TSPAN5: variants seen among roughly 807,000 people sequenced by gnomAD.
The protein encoded by TSPAN5 is tetraspanin 5.
A neutral mutation model predicts 37.1 loss-of-function variants in TSPAN5; 10 were observed. That is an observed-to-expected ratio of 0.27 (90% CI 0.17 to 0.46). The LOEUF is 0.46. TSPAN5 is among the 20% of genes least tolerant of loss of function. TSPAN5 has a pLI of 1.00. For missense variants in TSPAN5, 195 were observed against 326.6 expected (o/e 0.60, Z 3.11); for synonymous variants, 110 against 118.9 (o/e 0.93, Z 0.48).
intron 1 of TSPAN5, among the ~76,000 whole-genome samples, chr4:98,619,515 T>A (rs1251241524): frequency 3.3e-5 from 5 of 152,212 alleles, no homozygotes; most frequent in Non-Finnish European, 7.3e-5. Flanking sequence ...TCAACTTTTA[T>A]TTCAAAGTCT....
Position 98,472,333 on chromosome 4 carries a change from A to ATT in TSPAN5, c.*187_*188dup. On this transcript the variant is annotated 3_prime_UTR_variant, in exon 8 of 8. Transcript: ENST00000305798. ...CGGCGCAACGACTTTCATACTGGTT[A>ATT]TTTTTTTTTTTAATTCTGTCAGTGA... is the stretch of plus-strand genomic sequence containing the variant. The ATT allele has an allele frequency of 2.5e-5, 10 of 406,584 alleles. No homozygotes were observed. Among genetic ancestry groups the ATT allele is most frequent in the South Asian group, 1.4e-4 (3 of 21,202 alleles). 25.2% of individuals were successfully genotyped at this position (406,584 alleles called of 1,614,324 possible). A position where few individuals can be genotyped will look rare whatever the true frequency, so the allele number is the denominator to read the frequency against.
chr4:98,620,948 T>A (rs540105077), intron 1 of TSPAN5, among the ~76,000 whole-genome samples: 1 of 152,300 alleles, frequency 6.6e-6, no homozygotes, highest in Non-Finnish European at 1.5e-5. Flanking sequence ...AATTCACATA[T>A]TGAAGTCATT....
intron 1 of TSPAN5, among the ~76,000 whole-genome samples, chr4:98,585,388 C>G (rs777601640): frequency 6.6e-6 from 1 of 152,060 alleles, no homozygotes; most frequent in Non-Finnish European, 1.5e-5. Flanking sequence ...TGGCTTACTG[C>G]GACCTCTGCC....
At chr4:98,548,886 GGTGTGTGTGT>G (rs142527701) in intron 1 of TSPAN5, among the ~76,000 whole-genome samples, 7 of 57,342 alleles carry the variant, frequency 1.2e-4, no homozygotes, top group African/African-American at 3.2e-4. Flanking sequence ...AGTATTCCAA[GGTGTGTGTGT>G]GTGTGTGTGT....
chr4:98,613,174 T>A (rs763492509), intron 1 of TSPAN5, among the ~76,000 whole-genome samples: 14 of 150,984 alleles, frequency 9.3e-5, no homozygotes, highest in Non-Finnish European at 1.8e-4. Flanking sequence ...GTGATTCAGA[T>A]GCACAATGCC....
intron 1 of TSPAN5, among the ~76,000 whole-genome samples, chr4:98,591,317 A>G (rs1313737816): frequency 7.1e-6 from 1 of 140,658 alleles, no homozygotes; most frequent in Non-Finnish European, 1.5e-5. Context: ...TGAAGTACTT[A>G]GGAATAAATT....
chr4:98,549,844 C>G (rs1323153390), intron 1 of TSPAN5, among the ~76,000 whole-genome samples: 1 of 151,684 alleles, frequency 6.6e-6, no homozygotes, highest in Admixed American at 6.6e-5. Flanking sequence ...TAGGTTTACT[C>G]TCCTGATTTT....
chr4:98,570,396 C>T (rs1755092950), intron 1 of TSPAN5, among the ~76,000 whole-genome samples: 1 of 152,134 alleles, frequency 6.6e-6, no homozygotes, highest in African/African-American at 2.4e-5. Flanking sequence ...GCACTGCCTA[C>T]GTAAAGACCA....
chr4:98,512,168 G>A (rs568632279), intron 1 of TSPAN5, among the ~76,000 whole-genome samples: 3 of 152,026 alleles, frequency 2.0e-5, no homozygotes, highest in East Asian at 1.9e-4. Context: ...AGCTGAGATC[G>A]CGCCACTGCA....
intron 1 of TSPAN5, among the ~76,000 whole-genome samples, chr4:98,619,225 G>A (rs6532754): frequency 0.54 from 81,988 of 152,006 alleles, 23,374 homozygotes; most frequent in African/African-American, 0.72. Flanking sequence ...TCATTCAGGA[G>A]ACATTTGGCT....
At chr4:98,499,195 C>A (rs1753285615) in intron 2 of TSPAN5, among the ~76,000 whole-genome samples, 1 of 152,214 alleles carries the variant, frequency 6.6e-6, no homozygotes, top group African/African-American at 2.4e-5. Context: ...TTCCACCAGG[C>A]CCAGAGAGCA....
intron 1 of TSPAN5, among the ~76,000 whole-genome samples, chr4:98,647,245 A>G (rs972263285): frequency 2.6e-5 from 4 of 152,206 alleles, no homozygotes; most frequent in Admixed American, 6.5e-5. Context: ...TGATACAACT[A>G]TACCTTAAAA....
At chr4:98,529,699 T>C (rs556931312) in intron 1 of TSPAN5, among the ~76,000 whole-genome samples, 102 of 152,220 alleles carry the variant, frequency 6.7e-4, no homozygotes, top group Non-Finnish European at 1.2e-3. Context: ...AGAAGATCTA[T>C]TGGCAATACA....
At chr4:98,537,961 G>T (rs1022128593) in intron 1 of TSPAN5, among the ~76,000 whole-genome samples, 1 of 152,262 alleles carries the variant, frequency 6.6e-6, no homozygotes, top group Non-Finnish European at 1.5e-5. Flanking sequence ...GCCGACAGCA[G>T]GACAAAGAGG....
intron 4 of TSPAN5, among the ~76,000 whole-genome samples, chr4:98,479,645 A>G (rs544883699): frequency 4.6e-5 from 7 of 152,198 alleles, no homozygotes; most frequent in African/African-American, 7.2e-5. Context: ...GCTCTTCTAG[A>G]CCTCTTTAGG....
chr4:98,581,386 A>C (rs529053113), intron 1 of TSPAN5, among the ~76,000 whole-genome samples: 1 of 152,202 alleles, frequency 6.6e-6, no homozygotes, highest in Non-Finnish European at 1.5e-5. Context: ...TCACTACTAG[A>C]TGCAAAAATG....
At chr4:98,558,109 A>T (rs1754793124) in intron 1 of TSPAN5, among the ~76,000 whole-genome samples, 1 of 152,238 alleles carries the variant, frequency 6.6e-6, no homozygotes, top group South Asian at 2.1e-4. Context: ...TAACAAATGC[A>T]GTATATTAAC....
At position 98,608,040 on chromosome 4, in the gene TSPAN5, T is replaced by G. The variant is rs192717634; in HGVS notation, c.81+50106A>C. ...AATTTATATATACTATACCTATTCA[T>G]AAGATGGTATTTTTTCCTGAAGATT... On this transcript the variant is annotated intron_variant, in intron 1 of 7. Transcript: ENST00000305798. Among the ~76,000 whole-genome samples, 328 of 152,256 alleles carry G rather than the reference T, an allele frequency of 2.2e-3. 2 individuals carry two copies. The highest frequency in any genetic ancestry group is 0.01 in the Middle Eastern group (3 of 294).
intron 1 of TSPAN5, among the ~76,000 whole-genome samples, chr4:98,635,958 G>A (rs1354805552): frequency 6.6e-6 from 1 of 152,210 alleles, no homozygotes; most frequent in Non-Finnish European, 1.5e-5. Flanking sequence ...CACCCAAAGG[G>A]TATAATTCTG....
Sources: allele counts gnomAD v4.1 joint callset (sites outside exome capture counted in the v4.1 genomes callset), GRCh38; gene constraint gnomAD v4.1.1; transcripts MANE v1.5; gene names NCBI Gene and HGNC (gene_info 2026-07-23, HGNC 2026-07-21).